Variants in FBRSL1 observed in about 807,000 individuals in gnomAD.
FBRSL1 encodes the protein fibrosin-1-like protein.
FBRSL1 carries 51 observed loss-of-function variants against 89.6 expected under a neutral mutation model. The observed-to-expected ratio is 0.57, with a 90% CI of 0.45 to 0.72. The LOEUF is 0.72. FBRSL1 is among the 30% of genes least tolerant of loss of function. FBRSL1 has a pLI of 0.00. For missense variants in FBRSL1, 1,618 were observed against 1,451.8 expected (o/e 1.11, Z -1.86); for synonymous variants, 779 against 681.1 (o/e 1.14, Z -2.24).
chr12:132,512,485 G>A (rs2034452998), intron 2 of FBRSL1, among the ~76,000 whole-genome samples: 2 of 152,240 alleles, frequency 1.3e-5, no homozygotes, highest in Admixed American at 6.5e-5. Flanking sequence ...CTTGGAGGGC[G>A]GTGCCATCTC....
chr12:132,553,856 G>C (rs1168968574), intron 5 of FBRSL1: 1 of 152,254 alleles, frequency 6.6e-6, no homozygotes, highest in Non-Finnish European at 1.5e-5. Context: ...TGGAGGTCCA[G>C]GATGGGTCTC....
chr12:132,574,011 C>T (rs2040218451), intron 11 of FBRSL1, 79 bp from the exon 12 acceptor site: 3 of 1,026,644 alleles, frequency 2.9e-6, no homozygotes, highest in Admixed American at 9.0e-5. Flanking sequence ...CACAGGCCCA[C>T]GCCAGAACCA....
chr12:132,532,530 A>G (rs1593372212), intron 4 of FBRSL1, among the ~76,000 whole-genome samples: 1 of 152,140 alleles, frequency 6.6e-6, no homozygotes, highest in East Asian at 1.9e-4. Context: ...AAGGTCCTCC[A>G]TCAGGGTCAC....
At chr12:132,573,318 G>T (rs1030727493) in intron 11 of FBRSL1, among the ~76,000 whole-genome samples, 6 of 152,208 alleles carry the variant, frequency 3.9e-5, no homozygotes, top group African/African-American at 1.4e-4. Context: ...GCCCTGAAGG[G>T]CCCAGCACGC....
intron 1 of FBRSL1, among the ~76,000 whole-genome samples, chr12:132,500,685 C>T (rs2032823153): frequency 6.6e-6 from 1 of 152,150 alleles, no homozygotes; most frequent in South Asian, 2.1e-4. Context: ...CCCATTCACA[C>T]CCTTACAGGG....
intron 15 of FBRSL1, among the ~76,000 whole-genome samples, chr12:132,579,104 TTGTCC>T (rs758475687): frequency 6.1e-4 from 93 of 152,302 alleles, no homozygotes; most frequent in South Asian, 1.2e-3. Context: ...GCTCTGCCAT[TTGTCC>T]TGCGAGGCTG....
At chr12:132,524,081 C>T (rs575911994) in intron 2 of FBRSL1, among the ~76,000 whole-genome samples, 3 of 152,374 alleles carry the variant, frequency 2.0e-5, no homozygotes, top group African/African-American at 7.2e-5. Flanking sequence ...AACCTCATTG[C>T]ACCGAGGGGC....
intron 15 of FBRSL1, chr12:132,580,896 T>C: frequency 1.0e-6 from 1 of 985,394 alleles, no homozygotes; most frequent in Non-Finnish European, 1.2e-6. Flanking sequence ...CCCCACACGG[T>C]TGCTCTCCAA....
At chr12:132,493,736 T>C (rs1244116626) in intron 1 of FBRSL1, among the ~76,000 whole-genome samples, 1 of 151,810 alleles carries the variant, frequency 6.6e-6, no homozygotes, top group South Asian at 2.1e-4. Flanking sequence ...GTGGGACACA[T>C]AGGCCGTTCT....
rs141067552 is a variant in FBRSL1, at chr12:132,545,280, C to T, written c.616-2723C>T. On this transcript the variant is annotated intron_variant, in intron 4 of 18. Coordinates refer to ENST00000680143, the MANE Select transcript of FBRSL1 (RefSeq NM_001367871.1). ...CCTGAGCCCCCGAGCCCAGCCCCGG[C>T]GCCGTGAATGGTCGCCTCACTCGGG... is the stretch of plus-strand genomic sequence containing the variant. Among the ~76,000 whole-genome samples the T allele has an allele frequency of 6.1e-3, 927 of 152,364 alleles. 3 individuals carry two copies. The highest frequency in any genetic ancestry group is 9.8e-3 in the Non-Finnish European group (666 of 68,036).
chr12:132,522,093 C>T (rs4883570), intron 2 of FBRSL1, among the ~76,000 whole-genome samples: 57,196 of 151,794 alleles, frequency 0.38, 11,911 homozygotes, highest in African/African-American at 0.55. Context: ...GCAGCCGGCG[C>T]GGCCCCTCAG....
At chr12:132,542,882 A>G (rs2080177955) in intron 4 of FBRSL1, among the ~76,000 whole-genome samples, 1 of 152,182 alleles carries the variant, frequency 6.6e-6, no homozygotes, top group African/African-American at 2.4e-5. Flanking sequence ...AAGGGGAGGC[A>G]TGTGTTCTTT....
At chr12:132,571,970 C>T (rs951761984) in intron 9 of FBRSL1, 3 of 444,228 alleles carry the variant, frequency 6.8e-6, no homozygotes, top group African/African-American at 2.0e-5. Flanking sequence ...GTCAGTAACC[C>T]GGTGTGTCCC....
intron 5 of FBRSL1, among the ~76,000 whole-genome samples, chr12:132,563,560 C>T (rs1249942900): frequency 2.6e-5 from 4 of 152,152 alleles, no homozygotes; most frequent in Non-Finnish European, 5.9e-5. Flanking sequence ...GTCCGTTTGC[C>T]TGTCCGTCTG....
chr12:132,582,422 C>T (rs1309807800), intron 18 of FBRSL1, among the ~76,000 whole-genome samples, 156 bp downstream of exon 18: 2 of 150,408 alleles, frequency 1.3e-5, no homozygotes, highest in African/African-American at 4.9e-5. Context: ...CCCGTTCCCC[C>T]TCCCCCATTC....
chr12:132,559,244 C>T (rs2038915537), intron 5 of FBRSL1, among the ~76,000 whole-genome samples: 1 of 152,252 alleles, frequency 6.6e-6, no homozygotes, highest in Admixed American at 6.5e-5. Flanking sequence ...TTTGCAGCTA[C>T]AGCAGCTGCT....
At chr12:132,576,239 C>A (rs997670186) in intron 14 of FBRSL1, among the ~76,000 whole-genome samples, 3 of 138,304 alleles carry the variant, frequency 2.2e-5, no homozygotes, top group African/African-American at 8.4e-5. Flanking sequence ...GTCACCCAGG[C>A]TAGAGTGCAG....
chr12:132,551,920 G>A (rs552093469), intron 5 of FBRSL1: 4 of 297,134 alleles, frequency 1.3e-5, no homozygotes, highest in South Asian at 6.2e-5. Context: ...GCCGGGGGCT[G>A]CCACGGCCAC....
chr12:132,529,255 C>G (rs1238548200), intron 4 of FBRSL1, among the ~76,000 whole-genome samples: 1 of 152,204 alleles, frequency 6.6e-6, no homozygotes, highest in Admixed American at 6.5e-5. Flanking sequence ...TGTGGCCAGG[C>G]CAGAGGGGAC....
Sources: gnomAD v4.1 joint callset for allele counts (sites outside exome capture counted in the v4.1 genomes callset) on GRCh38, gnomAD v4.1.1 for gene constraint, MANE v1.5 for transcripts, NCBI Gene and HGNC (gene_info 2026-07-23, HGNC 2026-07-21) for gene names.